Variants in LAMA3 observed in about 807,000 individuals in gnomAD.
LAMA3 encodes the protein laminin subunit alpha-3.
Under a neutral mutation model 402.0 loss-of-function variants are expected in LAMA3, and 281 were observed. The ratio of observed to expected loss-of-function variants is 0.70; its 90% CI spans 0.63 to 0.77. LAMA3 has a LOEUF of 0.77. LAMA3 is among the 30% of genes least tolerant of loss of function. LAMA3 has a pLI of 0.00. For synonymous variants in LAMA3, 1,431 were observed against 1,558.4 expected (o/e 0.92, Z 1.93); for missense variants, 3,840 against 4,215.5 (o/e 0.91, Z 2.47).
At chr18:23,707,026 C>T (rs2060902077) in intron 1 of LAMA3, among the ~76,000 whole-genome samples, 1 of 152,204 alleles carries the variant, frequency 6.6e-6, no homozygotes, top group African/African-American at 2.4e-5. Flanking sequence ...TGCAGTGAGC[C>T]AAGATCGCAC....
At chr18:23,730,569 G>A (rs1424958987) in intron 2 of LAMA3, among the ~76,000 whole-genome samples, 1 of 151,886 alleles carries the variant, frequency 6.6e-6, no homozygotes, top group East Asian at 1.9e-4. Flanking sequence ...GTTTCACCAT[G>A]TTGGCCAGGC....
chr18:23,842,856 A>T, intron 29 of LAMA3, 106 bp downstream of exon 29: 1 of 1,407,322 alleles, frequency 7.1e-7, no homozygotes. Context: ...AATTGAAGTC[A>T]TATTTGTAGA....
Position 23,864,900 on chromosome 18 carries a change from G to T in LAMA3, c.4683+17G>T. The T allele has an allele frequency of 6.5e-7, 1 of 1,543,874 alleles. No homozygotes were observed. The highest frequency in any genetic ancestry group is 1.1e-5 in the South Asian group (1 of 89,624). On this transcript the variant is annotated intron_variant, in intron 36 of 74. Transcript: ENST00000313654. ...CAGCTCACTGTAGGTATCAGAGCAT[G>T]ACCTAAGTGGCAGGAAGTGGCAGTT...
chr18:23,813,699 A>G (rs2063122516), intron 14 of LAMA3, among the ~76,000 whole-genome samples: 1 of 149,630 alleles, frequency 6.7e-6, no homozygotes, highest in African/African-American at 2.5e-5. Context: ...GCCCCACCAC[A>G]CCTGGCTAAT....
At position 23,720,445 on chromosome 18, in the gene LAMA3, C is replaced by T. The variant is rs191416002; in HGVS notation, c.447+6373C>T. Among the ~76,000 whole-genome samples the T allele has an allele frequency of 3.3e-5, 5 of 152,178 alleles. No individual in the cohort carries two copies. The East Asian group carries it at 9.7e-4, about 29-fold the overall frequency. On this transcript the variant is annotated intron_variant, in intron 2 of 74. Coordinates refer to ENST00000313654, the MANE Select transcript of LAMA3 (RefSeq NM_198129.4). ...TCTCGGCTGACTGCAACCTCTGCCT[C>T]CCAGGTTCAAGTGATTCTCCTGCCT...
At chr18:23,696,595 A>G (rs2060690365) in intron 1 of LAMA3, among the ~76,000 whole-genome samples, 1 of 151,990 alleles carries the variant, frequency 6.6e-6, no homozygotes, top group Non-Finnish European at 1.5e-5. Flanking sequence ...CTGCCTCCCA[A>G]GTTCAAGCAA....
chr18:23,858,608 A>G, intron 33 of LAMA3, 81 bp from the exon 34 acceptor site: 1 of 1,259,394 alleles, frequency 7.9e-7, no homozygotes, highest in Non-Finnish European at 1.2e-6. Context: ...TTGTGTTGGT[A>G]TTTAATTTGT....
intron 2 of LAMA3, among the ~76,000 whole-genome samples, chr18:23,731,086 C>A (rs2061387460): frequency 6.6e-6 from 1 of 152,130 alleles, no homozygotes. Context: ...GACAAAGAAC[C>A]TGCTTTTACT....
chr18:23,694,675 ATAC>A (rs1568083213), intron 1 of LAMA3, among the ~76,000 whole-genome samples: 2 of 152,326 alleles, frequency 1.3e-5, no homozygotes, highest in East Asian at 1.9e-4. Context: ...CTTACCCGCT[ATAC>A]TACTGTCACA....
At chr18:23,806,794 G>A (rs1461234813) in intron 12 of LAMA3, among the ~76,000 whole-genome samples, 2 of 152,334 alleles carry the variant, frequency 1.3e-5, no homozygotes, top group South Asian at 4.2e-4. Flanking sequence ...CTCTGAGGCT[G>A]TAGGAGATAA....
At chr18:23,939,088 C>G (rs528665178) in intron 67 of LAMA3, 135 bp from the exon 68 acceptor site, 53 of 921,252 alleles carry the variant, frequency 5.8e-5, no homozygotes, top group Non-Finnish European at 8.2e-5. Flanking sequence ...CTTCCCATCT[C>G]CATGGTACCA....
At position 23,793,744 on chromosome 18, in the gene LAMA3, A is replaced by C. The variant is rs1031331396; in HGVS notation, c.1603+9587A>C. ...ATCACCAAGCAGCAGCCACCAGCCA[A>C]GTGTCCTCCAATTCAATTCTGACAC... On this transcript the variant is annotated intron_variant, in intron 12 of 74. Coordinates refer to ENST00000313654, the MANE Select transcript of LAMA3 (RefSeq NM_198129.4). 4.6e-5 allele frequency among the ~76,000 whole-genome samples: 7 copies of C among 152,168 alleles called. No homozygotes were observed. In the East Asian group the frequency reaches 1.3e-3, roughly 29 times the overall value.
chr18:23,945,867 A>G (rs2082691047), intron 69 of LAMA3, among the ~76,000 whole-genome samples: 1 of 152,014 alleles, frequency 6.6e-6, no homozygotes, highest in African/African-American at 2.4e-5. Flanking sequence ...CTTTTGTGTA[A>G]GTTTCCAGAT....
At chr18:23,884,583 G>T (rs139345732) in intron 40 of LAMA3, among the ~76,000 whole-genome samples, 190 bp from the exon 41 acceptor site, 6 of 152,218 alleles carry the variant, frequency 3.9e-5, no homozygotes, top group African/African-American at 1.4e-4. Context: ...CACCAAAATT[G>T]CCCTGTGTCG....
chr18:23,753,236 G>A (rs1479456434), intron 5 of LAMA3, among the ~76,000 whole-genome samples: 1 of 152,120 alleles, frequency 6.6e-6, no homozygotes, highest in Non-Finnish European at 1.5e-5. Context: ...CCAGTCTCAG[G>A]GATGTATTGG....
intron 65 of LAMA3, chr18:23,931,689 T>G (rs2082168140): frequency 4.6e-6 from 1 of 218,286 alleles, no homozygotes; most frequent in South Asian, 7.5e-5. Context: ...GTTCATCTCA[T>G]ATGATTTCCT....
intron 47 of LAMA3, chr18:23,899,681 G>GT (rs1689143686): frequency 2.3e-6 from 1 of 440,872 alleles, no homozygotes; most frequent in Admixed American, 3.8e-5. Flanking sequence ...AAAAAAAAAA[G>GT]TTCTTCTAAA....
At chr18:23,935,500 T>C (rs1436940860) in intron 67 of LAMA3, among the ~76,000 whole-genome samples, 4 of 152,198 alleles carry the variant, frequency 2.6e-5, no homozygotes, top group Non-Finnish European at 4.4e-5. Flanking sequence ...CATTAGTCTC[T>C]GCCCAGTAGC....
chr18:23,765,889 G>A (rs1451202689), intron 8 of LAMA3, among the ~76,000 whole-genome samples: 1 of 152,106 alleles, frequency 6.6e-6, no homozygotes, highest in African/African-American at 2.4e-5. Context: ...TTTGAAGATA[G>A]ATTAGTAGAA....
Sources: allele counts gnomAD v4.1 joint callset (sites outside exome capture counted in the v4.1 genomes callset), GRCh38; gene constraint gnomAD v4.1.1; transcripts MANE v1.5; gene names NCBI Gene and HGNC (gene_info 2026-07-23, HGNC 2026-07-21).